The following DNAH5 variants were observed in gnomAD, a reference collection of about 807,000 sequenced individuals.
DNAH5 encodes dynein axonemal heavy chain 5.
DNAH5 carries 372 observed loss-of-function variants against 518.2 expected under a neutral mutation model. The observed-to-expected ratio is 0.72, with a 90% CI of 0.66 to 0.78. The LOEUF is 0.78. Among genes scored for constraint, DNAH5 ranks in the 30% least tolerant of loss-of-function variants. The pLI, the probability that DNAH5 is intolerant of heterozygous loss-of-function variation, is 0.00. For missense variants in DNAH5, 5,523 were observed against 5,687.0 expected, an observed-to-expected ratio of 0.97 and a Z score of 0.93; for synonymous variants, 2,039 against 2,025.9, an observed-to-expected ratio of 1.01 and a Z score of -0.17.
In DNAH5 at chr5:13,902,064, C is replaced by T. The variant is rs1774699613; in HGVS notation, c.1719G>A (p.Lys573=). The T allele has an allele frequency of 6.2e-7, 1 of 1,601,270 alleles. No homozygotes were observed. The highest frequency in any genetic ancestry group is 1.1e-5 in the South Asian group (1 of 89,972). The part of the protein sequence containing the change: ...QNTNQALRML[K]KFERLNIPNL... ...CTTGAAAATTTTACCTTTCAAATTT[C>T]TTCAACATTCTTAGAGCTTGATTTG... Residue 573 remains lysine, a synonymous_variant, in exon 13 of 79, where the codon AAG becomes AAA. Transcript: ENST00000265104.
At chr5:13,847,740 G>GA (rs973828827) in intron 31 of DNAH5, among the ~76,000 whole-genome samples, 60 of 147,352 alleles carry the variant, frequency 4.1e-4, no homozygotes, top group African/African-American at 8.5e-4. Flanking sequence ...AAAAAAAGGA[G>GA]AAAAAAAAAA....
intron 38 of DNAH5, among the ~76,000 whole-genome samples, chr5:13,827,638 T>C (rs1274691988): frequency 6.6e-6 from 1 of 151,328 alleles, no homozygotes; most frequent in Non-Finnish European, 1.5e-5. Flanking sequence ...TGAGGGACTG[T>C]TGGAAGGGCA....
rs1481871453 is a variant in DNAH5 at position 13,870,748 on chromosome 5, A to C, written c.3834+19T>G. 6.3e-7 allele frequency: 1 copy of C among 1,585,186 alleles called. No homozygotes were observed. The highest frequency in any genetic ancestry group is 2.2e-5 in the East Asian group (1 of 44,740). On this transcript the variant is annotated intron_variant, in intron 24 of 78. Coordinates refer to ENST00000265104, the MANE Select transcript of DNAH5 (RefSeq NM_001369.3). ...ACATGTAGAAATATTTCTATAATGA[A>C]CAAATGATCATTAGTTACCTCAATA... is the stretch of plus-strand genomic sequence containing the variant.
chr5:13,997,437 C>T (rs1784046863), intron 1 of DNAH5, among the ~76,000 whole-genome samples: 1 of 152,136 alleles, frequency 6.6e-6, no homozygotes, highest in Non-Finnish European at 1.5e-5. Context: ...TCCTCATTTC[C>T]ATCTGAGACC....
chr5:13,693,742 G>A (rs1041145375), intron 78 of DNAH5, among the ~76,000 whole-genome samples: 10 of 152,036 alleles, frequency 6.6e-5, no homozygotes, highest in Non-Finnish European at 1.5e-5. Flanking sequence ...CCAAGAGAAT[G>A]AGAAACCTTC....
chr5:13,769,665 T>C, intron 56 of DNAH5, 50 bp from the exon 57 acceptor site: 1 of 1,463,334 alleles, frequency 6.8e-7, no homozygotes, highest in Middle Eastern at 1.7e-4. Context: ...AGGACTTGGA[T>C]GCAATTCTCA....
At chr5:13,962,768 G>A (rs1348401600) in intron 1 of DNAH5, among the ~76,000 whole-genome samples, 6 of 152,148 alleles carry the variant, frequency 3.9e-5, no homozygotes, top group Non-Finnish European at 7.3e-5. Context: ...ACTAAAACTG[G>A]GCTTGGCAGG....
chr5:13,691,851 G>C lies in DNAH5; in HGVS notation c.*133C>G. Reference sequence around the variant, plus strand: ...AATATAAGCATCCAATTAAGGAGTGGGGAAAACCTATGCAGCTCATTAATT... The same window carrying C: ...AATATAAGCATCCAATTAAGGAGTGCGGAAAACCTATGCAGCTCATTAATT... On this transcript the variant is annotated 3_prime_UTR_variant, in exon 79 of 79. Transcript: ENST00000265104. The C allele has an allele frequency of 9.5e-7, 1 of 1,056,406 alleles. No homozygotes were observed. The highest frequency in any genetic ancestry group is 1.4e-5 in the South Asian group (1 of 70,416). The allele number at this position is 1,056,406 out of a possible 1,614,324, so 65.4% of individuals were successfully genotyped here. A position where few individuals can be genotyped will look rare whatever the true frequency, so the allele number is the denominator to read the frequency against.
intron 22 of DNAH5, among the ~76,000 whole-genome samples, chr5:13,876,145 T>G (rs1262997692): frequency 2.0e-5 from 3 of 152,204 alleles, no homozygotes; most frequent in Non-Finnish European, 4.4e-5. Context: ...GAGGGGAGTA[T>G]GCTGAAAGAA....
chr5:13,919,827 T>G (rs1042929361), intron 6 of DNAH5, among the ~76,000 whole-genome samples: 1 of 152,202 alleles, frequency 6.6e-6, no homozygotes, highest in East Asian at 1.9e-4. Flanking sequence ...TAATTAGCCA[T>G]TGAAAGTAAT....
intron 68 of DNAH5, among the ~76,000 whole-genome samples, chr5:13,732,154 G>T (rs1447484963): frequency 6.6e-6 from 1 of 151,232 alleles, no homozygotes; most frequent in African/African-American, 2.4e-5. Flanking sequence ...ATCTGTTGTG[G>T]CTATTGGGCT....
Position 13,780,870 on chromosome 5 carries a change from T to C in DNAH5, c.8910A>G (p.Ser2970=), listed in dbSNP as rs752759698. ...SGKQSLTRLA[S]FIAGYVSFQI... The stretch of plus-strand genomic sequence containing the variant: ...GGAAGGAAACGTAGCCAGCAATGAA[T>C]GAAGCCAACCTCGTCAGGCTCTGCT... Residue 2970 remains serine (S), a synonymous_variant, in exon 53 of 79, where the codon TCA becomes TCG. Coordinates refer to ENST00000265104, the MANE Select transcript of DNAH5 (RefSeq NM_001369.3). 1 of 1,613,796 alleles carries C rather than the reference T, an allele frequency of 6.2e-7. No homozygotes were observed.
rs945739527 is a variant in DNAH5 at position 13,749,073 on chromosome 5, G to C, written c.11211+2005C>G. On this transcript the variant is annotated intron_variant, in intron 65 of 78. Transcript: ENST00000265104. ...CAGGAATATGCTGGGAAGTGAAGAA[G>C]CTGCAAAAGTAAAAGCCTCTTAGAA... is the stretch of plus-strand genomic sequence containing the variant. 2.0e-5 allele frequency among the ~76,000 whole-genome samples: 3 copies of C among 151,934 alleles called. No individual in the cohort carries two copies. In the East Asian group the frequency reaches 5.8e-4, roughly 29 times the overall value.
chr5:13,798,617 G>A (rs979513889), intron 47 of DNAH5, among the ~76,000 whole-genome samples: 7 of 151,610 alleles, frequency 4.6e-5, no homozygotes, highest in Admixed American at 6.6e-5. Flanking sequence ...TGAATTTTAT[G>A]AACAAGATAT....
At chr5:13,900,038 C>T (rs375352011) in intron 15 of DNAH5, 168 bp downstream of exon 15, 34 of 631,386 alleles carry the variant, frequency 5.4e-5, no homozygotes, top group African/African-American at 2.9e-4. Flanking sequence ...AGACCTGTAA[C>T]GGCCTGGCCC....
At chr5:13,847,803 G>A (rs186716539) in intron 31 of DNAH5, among the ~76,000 whole-genome samples, 47 of 151,888 alleles carry the variant, frequency 3.1e-4, no homozygotes, top group Admixed American at 5.2e-4. Context: ...TGTCTGTGGT[G>A]GTGGGTGGAA....
intron 31 of DNAH5, among the ~76,000 whole-genome samples, chr5:13,848,511 T>C (rs1766372103): frequency 6.6e-6 from 1 of 152,230 alleles, no homozygotes; most frequent in African/African-American, 2.4e-5. Context: ...TGTGCACTTA[T>C]ATTTCTATTA....
Position 13,700,688 on chromosome 5 carries a change from C to A in DNAH5, c.13675G>T (p.Val4559Leu), listed in dbSNP as rs751090601. ...NMKLIESKPK[V>L]LFELMPVIRI... The stretch of plus-strand genomic sequence containing the variant: ...ATGACAGGCATCAACTCAAAGAGCA[C>A]TTTTGGCTTTGATTCAATGAGTTTC... The change falls in exon 78 of 79, where the codon GTG (valine) becomes TTG (leucine). Residue 4559 changes from valine (V) to leucine (L), a missense_variant. Coordinates refer to ENST00000265104, the MANE Select transcript of DNAH5 (RefSeq NM_001369.3). 3.7e-6 allele frequency: 6 copies of A among 1,614,042 alleles called. No individual in the cohort carries two copies. The African/African-American group carries it at 8.0e-5, about 22-fold the overall frequency.
intron 76 of DNAH5, among the ~76,000 whole-genome samples, chr5:13,705,065 C>T (rs1290900773): frequency 1.3e-5 from 2 of 151,760 alleles, no homozygotes; most frequent in East Asian, 3.9e-4. Context: ...GACCTTGGCT[C>T]ACTGCAGGTT....
Sources: gnomAD v4.1 joint callset for allele counts (sites outside exome capture counted in the v4.1 genomes callset) on GRCh38, gnomAD v4.1.1 for gene constraint, MANE v1.5 for transcripts, NCBI Gene and HGNC (gene_info 2026-07-23, HGNC 2026-07-21) for gene names.